Variants in GOLGA6L6 observed in about 807,000 individuals in gnomAD.
GOLGA6L6 encodes golgin A6 family like 6 (gene/pseudogene).
In GOLGA6L6, 12 loss-of-function variants were observed where a neutral mutation model predicts 75.6. That is an observed-to-expected ratio of 0.16 (90% CI 0.10 to 0.26). The LOEUF (loss-of-function observed/expected upper bound fraction) is 0.26. Ranked by LOEUF, GOLGA6L6 falls within the 10% of genes least tolerant of loss-of-function variation. The probability of loss-of-function intolerance (pLI) is 1.00; values close to 1 mark genes in which losing one functional copy is unlikely to be tolerated. For synonymous variants in GOLGA6L6, 38 were observed against 179.2 expected (o/e 0.21, Z 6.29); for missense variants, 144 against 598.5 (o/e 0.24, Z 7.92).
chr15:20,534,071 T>A (rs1444290089), intron 8 of GOLGA6L6, among the ~76,000 whole-genome samples, 188 bp downstream of exon 8: 8 of 7,542 alleles, frequency 1.1e-3, no homozygotes, highest in South Asian at 2.7e-3. Context: ...ACACCCTTCT[T>A]CCCACCATTT....
chr15:20,537,516 T>A (rs1341790561), intron 5 of GOLGA6L6, among the ~76,000 whole-genome samples: 2 of 147,444 alleles, frequency 1.4e-5, no homozygotes, highest in African/African-American at 5.1e-5. Context: ...CCAGGCACTA[T>A]GCTAACAATC....
At chr15:20,537,679 T>A (rs1397340306) in intron 5 of GOLGA6L6, among the ~76,000 whole-genome samples, 1 of 143,374 alleles carries the variant, frequency 7.0e-6, no homozygotes, top group East Asian at 2.0e-4. Flanking sequence ...TCTAAGCCCA[T>A]TCTTCCGCTG....
Position 20,538,542 on chromosome 15 carries a change from C to A in GOLGA6L6, c.348G>T (p.Gln116His). The change falls in exon 4 of 9, where the codon CAG becomes CAT. Residue 116 changes from glutamine to histidine, a missense_variant. Transcript: ENST00000619213. ...QEALRRELEA[Q>H]VHTIRILTCQ... ...ATGTAAGGATTCGTATGGTATGAAC[C>A]TGGGCCTTTGGGAGAAAAGACAAGC... 1 of 1,148,690 alleles carries A rather than the reference C, an allele frequency of 8.7e-7. No homozygotes were observed. The highest frequency in any genetic ancestry group is 1.3e-5 in the South Asian group (1 of 77,330). 71.2% of individuals were successfully genotyped at this position (1,148,690 alleles called of 1,614,324 possible).
In GOLGA6L6 at chr15:20,534,502, C is replaced by T; in HGVS notation, c.1932G>A (p.Met644Ile). 6.8e-7 allele frequency: 1 copy of T among 1,470,172 alleles called. No individual in the cohort carries two copies. The allele number at this position is 1,470,172 out of a possible 1,614,324, so 91.1% of individuals were successfully genotyped here. Residue 644 changes from methionine to isoleucine, a missense_variant, in exon 8 of 9, where the codon ATG (methionine) becomes ATA (isoleucine). Coordinates refer to ENST00000619213, the MANE Select transcript of GOLGA6L6 (RefSeq NM_001145004.2). ...CCCTTATCTTCTCCTCCTGCCTCCACATCGTCTCCTCCTGTTCTTGCATCT... is the reference window on the plus strand; with the variant it reads ...CCCTTATCTTCTCCTCCTGCCTCCATATCGTCTCCTCCTGTTCTTGCATCT... ...EEKMQEQEET[M>I]WRQEEKIREQ...
rs752565522 is a variant in GOLGA6L6, at chr15:20,535,059, T to C, written c.1375A>G (p.Ile459Val). The C allele has an allele frequency of 1.6e-6, 2 of 1,249,022 alleles. No individual in the cohort carries two copies. Among genetic ancestry groups the C allele is most frequent in the Non-Finnish European group, 2.2e-6 (2 of 908,930 alleles). The allele number at this position is 1,249,022 out of a possible 1,614,324, so 77.4% of individuals were successfully genotyped here. ...QEEMWRQEEKIREQEEIWRQK... is the reference protein window; with the variant it reads ...QEEMWRQEEKVREQEEIWRQK... ...CTCCATATCTCCTCCTGCTCCCTTA[T>C]CTTCTCCTCCTGCCTCCACATCTCC... is the stretch of plus-strand genomic sequence containing the variant. Residue 459 changes from isoleucine to valine, a missense_variant, in exon 8 of 9, where the codon ATA becomes GTA. Transcript: ENST00000619213.
rs1890236162 is a variant in GOLGA6L6, at chr15:20,532,401, C to T, written c.*1202G>A. 1.7e-5 allele frequency: 2 copies of T among 119,852 alleles called. No homozygotes were observed. Among genetic ancestry groups the T allele is most frequent in the Non-Finnish European group, 3.5e-5 (2 of 56,678 alleles). The allele number at this position is 119,852 out of a possible 1,614,324, so 7.4% of individuals were successfully genotyped here. On this transcript the variant is annotated 3_prime_UTR_variant, in exon 9 of 9. Coordinates refer to ENST00000619213, the MANE Select transcript of GOLGA6L6 (RefSeq NM_001145004.2). ...AAAAAAAATTAGCCAGGCATGGTGGCACACGCTACTCGGGAAGCTGAGGCA... is the reference window on the plus strand; with the variant it reads ...AAAAAAAATTAGCCAGGCATGGTGGTACACGCTACTCGGGAAGCTGAGGCA...
Position 20,534,949 on chromosome 15 carries a change from C to T in GOLGA6L6, c.1485G>A (p.Glu495=). Residue 495 remains glutamate (E), a synonymous_variant, in exon 8 of 9, where the codon GAG becomes GAA. Coordinates refer to ENST00000619213, the MANE Select transcript of GOLGA6L6 (RefSeq NM_001145004.2). The part of the protein sequence containing the change: ...KVWRQEEKIR[E]QEEKIREQEE... ...CCTGCTCCCGTATCTTCTCCTCCTG[C>T]TCCCGTATCTTCTCCTCCTGCCTCC... The T allele has an allele frequency of 2.7e-6, 4 of 1,495,528 alleles. No individual in the cohort carries two copies. The South Asian group carries it at 3.7e-5, about 14-fold the overall frequency. The allele number at this position is 1,495,528 out of a possible 1,614,324, so 92.6% of individuals were successfully genotyped here.
Position 20,532,607 on chromosome 15 carries a change from A to G in GOLGA6L6, c.*996T>C, listed in dbSNP as rs1890242983. On this transcript the variant is annotated 3_prime_UTR_variant, in exon 9 of 9. Transcript: ENST00000619213. ...TACGGATTCGCCTCCCCACAAGAGCAGTTAGAAAAACTGGATAAAAATGTG... is the reference window on the plus strand; with the variant it reads ...TACGGATTCGCCTCCCCACAAGAGCGGTTAGAAAAACTGGATAAAAATGTG... The G allele has an allele frequency of 7.1e-6, 1 of 141,424 alleles. No individual in the cohort carries two copies. Among genetic ancestry groups the G allele is most frequent in the East Asian group, 2.1e-4 (1 of 4,762 alleles). 8.8% of individuals were successfully genotyped at this position (141,424 alleles called of 1,614,324 possible). A position where few individuals can be genotyped will look rare whatever the true frequency, so the allele number is the denominator to read the frequency against.
chr15:20,537,558 G>A (rs1464551031), intron 5 of GOLGA6L6, among the ~76,000 whole-genome samples: 1 of 148,566 alleles, frequency 6.7e-6, no homozygotes, highest in Non-Finnish European at 1.5e-5. Context: ...CATAGGAGAT[G>A]GTTACCATTA....
In GOLGA6L6 at chr15:20,534,869, C is replaced by G. The variant is rs1350348945; in HGVS notation, c.1565G>C (p.Arg522Thr). 4 of 1,217,650 alleles carry G rather than the reference C, an allele frequency of 3.3e-6. No individual in the cohort carries two copies. Among genetic ancestry groups the G allele is most frequent in the Non-Finnish European group, 4.5e-6 (4 of 880,720 alleles). 75.4% of individuals were successfully genotyped at this position (1,217,650 alleles called of 1,614,324 possible). A position where few individuals can be genotyped will look rare whatever the true frequency, so the allele number is the denominator to read the frequency against. ...EKIREQEEMW[R>T]EEEKMHEQEK... ...CTGCTCATGCATCTTCTCTTCCTCC[C>G]TCCACATCTCCTCCTGCTCCCGTAT... The change falls in exon 8 of 9, where the codon AGG becomes ACG. Residue 522 changes from arginine (R) to threonine (T), a missense_variant. Arg to Thr is a moderately conservative substitution (Grantham distance 71). Coordinates refer to ENST00000619213, the MANE Select transcript of GOLGA6L6 (RefSeq NM_001145004.2).
At position 20,534,576 on chromosome 15, in the gene GOLGA6L6, C is replaced by T; in HGVS notation, c.1858G>A (p.Glu620Lys). Residue 620 changes from glutamate (E) to lysine (K), a missense_variant, in exon 8 of 9, where the codon GAA (glutamate) becomes AAA (lysine). By Grantham distance (56) the Glu-to-Lys change is moderately conservative. Transcript: ENST00000619213. ...REQEEMTQEQ[E>K]EKMGEQEEKM... is the part of the protein sequence containing the mutation. ...TCCTCCTGCTCCCCCATCTTCTCTTCCTGTTCCTGCGTCATCTCCTCCTGC... is the reference window on the plus strand; with the variant it reads ...TCCTCCTGCTCCCCCATCTTCTCTTTCTGTTCCTGCGTCATCTCCTCCTGC... 2 of 1,542,356 alleles carry T rather than the reference C, an allele frequency of 1.3e-6. No individual in the cohort carries two copies. Among genetic ancestry groups the T allele is most frequent in the African/African-American group, 2.8e-5 (2 of 71,136 alleles).
At chr15:20,537,052 C>CTT (rs1177066820) in intron 5 of GOLGA6L6, among the ~76,000 whole-genome samples, 180 bp from the exon 6 acceptor site, 3 of 32,510 alleles carry the variant, frequency 9.2e-5, no homozygotes, top group South Asian at 1.1e-3. Flanking sequence ...TTCTTTCTTT[C>CTT]TTTTTTTTTT....
rs750444392 is a variant in GOLGA6L6 at position 20,534,637 on chromosome 15, C to T, written c.1797G>A (p.Glu599=). 15 of 918,762 alleles carry T rather than the reference C, an allele frequency of 1.6e-5. No individual in the cohort carries two copies. In the South Asian group the frequency reaches 2.1e-4, roughly 13 times the overall value. 56.9% of individuals were successfully genotyped at this position (918,762 alleles called of 1,614,324 possible). The change falls in exon 8 of 9, where the codon GAG becomes GAA. Residue 599 remains glutamate, a synonymous_variant. Coordinates refer to ENST00000619213, the MANE Select transcript of GOLGA6L6 (RefSeq NM_001145004.2). ...TCTCCTCCTGCTCCCGTATCTTCTC[C>T]TCCTGCTCCCGTATCTTCTCCTCCT... is the stretch of plus-strand genomic sequence containing the variant. ...REQEEKIREQ[E]EKIREQEEKI... is the part of the protein sequence containing the mutation.
Position 20,536,453 on chromosome 15 carries a change from AT to A in GOLGA6L6, c.632del (p.Asn211MetfsTer11). The stretch of plus-strand genomic sequence containing the variant: ...GTTGAAGTTTTTCTTGTAGTTCGGC[AT>A]TTTTCTCCTTCAGCTCCTCATCAGT... ...TITDEELKEK[N>X]AELQEKLQLV... On this transcript the variant is annotated frameshift_variant, in exon 7 of 9. Transcript: ENST00000619213. LOFTEE classifies it high-confidence loss of function. 7 of 1,305,158 alleles carry A rather than the reference AT, an allele frequency of 5.4e-6. No individual in the cohort carries two copies. Among genetic ancestry groups the A allele is most frequent in the Admixed American group, 2.7e-5 (1 of 36,872 alleles). 80.8% of individuals were successfully genotyped at this position (1,305,158 alleles called of 1,614,324 possible). A position where few individuals can be genotyped will look rare whatever the true frequency, so the allele number is the denominator to read the frequency against.
Position 20,535,153 on chromosome 15 carries a change from C to CGT in GOLGA6L6, c.1280_1281insAC (p.Met427IlefsTer34). On this transcript the variant is annotated frameshift_variant, in exon 8 of 9. Transcript: ENST00000619213. LOFTEE classifies it high-confidence loss of function. ...CATGAATCTTCTCCTCCTGCCTCCA[C>CGT]ATCTTTTTCTCCTGCTCCCGTATCT... is the stretch of plus-strand genomic sequence containing the variant. 1.1e-6 allele frequency: 1 copy of CGT among 944,024 alleles called. No individual in the cohort carries two copies. The highest frequency in any genetic ancestry group is 1.5e-6 in the Non-Finnish European group (1 of 652,406). 58.5% of individuals were successfully genotyped at this position (944,024 alleles called of 1,614,324 possible).
Position 20,534,631 on chromosome 15 carries a change from C to A in GOLGA6L6, c.1803G>T (p.Lys601Asn), listed in dbSNP as rs1462417726. The change falls in exon 8 of 9, where the codon AAG becomes AAT. Residue 601 changes from lysine (K) to asparagine (N), a missense_variant. Transcript: ENST00000619213. ...QEEKIREQEE[K>N]IREQEEKIRE... is the part of the protein sequence containing the mutation. ...GTATCTTCTCCTCCTGCTCCCGTAT[C>A]TTCTCCTCCTGCTCCCGTATCTTCT... 9.3e-7 allele frequency: 1 copy of A among 1,078,624 alleles called. No individual in the cohort carries two copies. Among genetic ancestry groups the A allele is most frequent in the East Asian group, 3.1e-5 (1 of 32,540 alleles). 66.8% of individuals were successfully genotyped at this position (1,078,624 alleles called of 1,614,324 possible). A position where few individuals can be genotyped will look rare whatever the true frequency, so the allele number is the denominator to read the frequency against.
Position 20,534,964 on chromosome 15 carries a change from C to T in GOLGA6L6, c.1470G>A (p.Glu490=), listed in dbSNP as rs1413042868. 35 of 1,499,462 alleles carry T rather than the reference C, an allele frequency of 2.3e-5. 1 individual carries two copies. In the African/African-American group the frequency reaches 4.5e-4, roughly 19 times the overall value. The allele number at this position is 1,499,462 out of a possible 1,614,324, so 92.9% of individuals were successfully genotyped here. A position where few individuals can be genotyped will look rare whatever the true frequency, so the allele number is the denominator to read the frequency against. The change falls in exon 8 of 9, where the codon GAG becomes GAA. Residue 490 remains glutamate (E), a synonymous_variant. Transcript: ENST00000619213. ...RKQEEKVWRQ[E]EKIREQEEKI... ...TCTCCTCCTGCTCCCGTATCTTCTC[C>T]TCCTGCCTCCACACCTTCTCCTCCT...
In GOLGA6L6 at chr15:20,534,341, T is replaced by C; in HGVS notation, c.2093A>G (p.Glu698Gly). 1 of 1,349,274 alleles carries C rather than the reference T, an allele frequency of 7.4e-7. No individual in the cohort carries two copies. The highest frequency in any genetic ancestry group is 1.0e-6 in the Non-Finnish European group (1 of 996,406). The allele number at this position is 1,349,274 out of a possible 1,614,324, so 83.6% of individuals were successfully genotyped here. A position where few individuals can be genotyped will look rare whatever the true frequency, so the allele number is the denominator to read the frequency against. Residue 698 changes from glutamate (E) to glycine (G), a missense_variant, in exon 8 of 9, where the codon GAG becomes GGG. Glu to Gly is a moderately conservative substitution (Grantham distance 98, BLOSUM62 -2). Coordinates refer to ENST00000619213, the MANE Select transcript of GOLGA6L6 (RefSeq NM_001145004.2). ...CTTCTCCTCCTGCCTCCGCATCTTC[T>C]CCTCCTGTTCTTGCATCTTCTCTTC... ...EQEEKMQEQE[E>G]KMRRQEEKMW...
rs1441821523 is a variant in GOLGA6L6, at chr15:20,534,477, C to T, written c.1957G>A (p.Glu653Lys). 8 of 1,459,586 alleles carry T rather than the reference C, an allele frequency of 5.5e-6. No individual in the cohort carries two copies. The East Asian group carries it at 2.0e-4, about 36-fold the overall frequency. The allele number at this position is 1,459,586 out of a possible 1,614,324, so 90.4% of individuals were successfully genotyped here. A position where few individuals can be genotyped will look rare whatever the true frequency, so the allele number is the denominator to read the frequency against. The change falls in exon 8 of 9, where the codon GAG becomes AAG. Residue 653 changes from glutamate to lysine, a missense_variant. Coordinates refer to ENST00000619213, the MANE Select transcript of GOLGA6L6 (RefSeq NM_001145004.2). ...TGCTCCCGTATCTTCTTCTCCTGCT[C>T]CCTTATCTTCTCCTCCTGCCTCCAC... ...TMWRQEEKIR[E>K]QEKKIREQEE...
Sources: allele counts gnomAD v4.1 joint callset (sites outside exome capture counted in the v4.1 genomes callset), GRCh38; gene constraint gnomAD v4.1.1; transcripts MANE v1.5; gene names NCBI Gene and HGNC (gene_info 2026-07-23, HGNC 2026-07-21).